CRIM1: variants seen among roughly 807,000 people sequenced by gnomAD.
CRIM1 encodes the protein cysteine-rich motor neuron 1 protein.
CRIM1 carries 32 observed loss-of-function variants against 116.4 expected under a neutral mutation model. The observed-to-expected ratio is 0.27, with a 90% CI of 0.21 to 0.37. CRIM1 has a LOEUF of 0.37. CRIM1 is among the 10% of genes least tolerant of loss of function. The pLI is 1.00. For synonymous variants in CRIM1, 590 were observed against 509.2 expected, an observed-to-expected ratio of 1.16 and a Z score of -2.13; for missense variants, 1,331 against 1,354.8, an observed-to-expected ratio of 0.98 and a Z score of 0.28.
At chr2:36,386,709 T>C (rs879219045) in intron 1 of CRIM1, among the ~76,000 whole-genome samples, 7 of 152,134 alleles carry the variant, frequency 4.6e-5, no homozygotes, top group South Asian at 2.1e-4. Flanking sequence ...CCACTTCGGG[T>C]AAAGGAGATT....
intron 5 of CRIM1, among the ~76,000 whole-genome samples, chr2:36,473,812 G>T (rs1457936767): frequency 6.6e-6 from 1 of 152,224 alleles, no homozygotes; most frequent in East Asian, 1.9e-4. Context: ...CTCTTGGGCT[G>T]CTAGGAACAT....
chr2:36,474,994 A>G (rs913438347), intron 5 of CRIM1, among the ~76,000 whole-genome samples: 2 of 152,200 alleles, frequency 1.3e-5, no homozygotes, highest in African/African-American at 2.4e-5. Flanking sequence ...AGTCTTGATT[A>G]CTATAGCATT....
chr2:36,367,139 A>C (rs1236326961), intron 1 of CRIM1, among the ~76,000 whole-genome samples: 1 of 152,230 alleles, frequency 6.6e-6, no homozygotes, highest in Non-Finnish European at 1.5e-5. Flanking sequence ...TCAAAGTAGA[A>C]GGATTTTTAA....
intron 1 of CRIM1, among the ~76,000 whole-genome samples, chr2:36,362,337 G>A (rs1433194218): frequency 6.6e-6 from 1 of 152,166 alleles, no homozygotes; most frequent in Non-Finnish European, 1.5e-5. Context: ...TTTGAACTAG[G>A]TTTAAAAGTG....
intron 1 of CRIM1, chr2:36,378,302 GT>G (rs1670471132): frequency 2.1e-6 from 1 of 471,078 alleles, no homozygotes; most frequent in South Asian, 1.5e-5. Context: ...TTGTGAGGAA[GT>G]TTTGTTCATG....
chr2:36,491,847 C>T (rs578004858), intron 7 of CRIM1, among the ~76,000 whole-genome samples: 1 of 152,216 alleles, frequency 6.6e-6, no homozygotes, highest in East Asian at 1.9e-4. Context: ...ATTATTTCCA[C>T]TTAAAGCTAC....
At chr2:36,400,491 G>A (rs1183923865) in intron 2 of CRIM1, among the ~76,000 whole-genome samples, 3 of 152,124 alleles carry the variant, frequency 2.0e-5, no homozygotes, top group African/African-American at 7.2e-5. Context: ...CGTGTGGCTG[G>A]TGATAACCTA....
intron 4 of CRIM1, among the ~76,000 whole-genome samples, chr2:36,446,359 A>G (rs530786274): frequency 1.2e-4 from 19 of 152,350 alleles, no homozygotes; most frequent in Non-Finnish European, 2.2e-4. Context: ...CTATTCATCA[A>G]ACATGAATTG....
Position 36,477,003 on chromosome 2 carries a change from C to T in CRIM1, c.1106C>T (p.Ala369Val), listed in dbSNP as rs781034059. ...GGGGGCGTTGCCATCTGCTTCACCG[C>T]CCAGTGTGGTGAGATAAACTGCGAG... The part of the protein sequence containing the change: ...CQGGVAICFT[A>V]QCGEINCERY... Residue 369 changes from alanine (A) to valine (V), a missense_variant, in exon 6 of 17, where the codon GCC becomes GTC. Physicochemically the swap from Ala to Val is moderately conservative, Grantham distance 64. This residue lies in a region of CRIM1 where 690 missense variants were observed against 676.0 expected (regional missense o/e 1.02). Transcript: ENST00000280527. The T allele has an allele frequency of 4.3e-6, 7 of 1,613,510 alleles. No homozygotes were observed. Among genetic ancestry groups the T allele is most frequent in the Middle Eastern group, 1.6e-4 (1 of 6,082 alleles).
intron 4 of CRIM1, among the ~76,000 whole-genome samples, chr2:36,460,830 G>C (rs960596204): frequency 2.6e-5 from 4 of 152,208 alleles, no homozygotes; most frequent in African/African-American, 9.6e-5. Context: ...GAAAGAGGGT[G>C]CTGTAAGAAA....
chr2:36,509,528 C>T (rs1015549758), intron 8 of CRIM1, among the ~76,000 whole-genome samples: 2 of 151,642 alleles, frequency 1.3e-5, no homozygotes, highest in African/African-American at 2.4e-5. Context: ...GATTCTGTCT[C>T]CAACAAAAGA....
intron 7 of CRIM1, among the ~76,000 whole-genome samples, chr2:36,490,758 C>A (rs1680170827): frequency 6.6e-6 from 1 of 152,104 alleles, no homozygotes; most frequent in Admixed American, 6.5e-5. Flanking sequence ...GAGCCCCGAC[C>A]CACTCTCCCA....
At chr2:36,430,952 A>G (rs1488647578) in intron 2 of CRIM1, among the ~76,000 whole-genome samples, 2 of 152,192 alleles carry the variant, frequency 1.3e-5, no homozygotes, top group Non-Finnish European at 2.9e-5. Flanking sequence ...TTACCTATAT[A>G]AGGCTGCTTC....
intron 5 of CRIM1, among the ~76,000 whole-genome samples, chr2:36,476,123 A>T (rs1224566678): frequency 6.6e-6 from 1 of 152,188 alleles, no homozygotes; most frequent in Non-Finnish European, 1.5e-5. Flanking sequence ...AGAAAAATTT[A>T]AAAATCATTG....
chr2:36,367,216 G>C (rs1669658158), intron 1 of CRIM1, among the ~76,000 whole-genome samples: 1 of 152,190 alleles, frequency 6.6e-6, no homozygotes, highest in African/African-American at 2.4e-5. Flanking sequence ...ATTTCAGGCA[G>C]ATTTTAAGAA....
intron 1 of CRIM1, among the ~76,000 whole-genome samples, chr2:36,395,977 A>G (rs1403207799): frequency 6.6e-6 from 1 of 152,196 alleles, no homozygotes; most frequent in Non-Finnish European, 1.5e-5. Context: ...CCAGACCGGA[A>G]TGCAGTGGCG....
intron 13 of CRIM1, among the ~76,000 whole-genome samples, chr2:36,525,447 G>A (rs1474666646): frequency 6.6e-6 from 1 of 152,198 alleles, no homozygotes; most frequent in Non-Finnish European, 1.5e-5. Flanking sequence ...CCCAAAGGCA[G>A]TTGCCAGCTG....
intron 7 of CRIM1, among the ~76,000 whole-genome samples, chr2:36,490,301 G>C (rs1680134533): frequency 6.6e-6 from 1 of 152,142 alleles, no homozygotes; most frequent in African/African-American, 2.4e-5. Flanking sequence ...GCTTGTTTGA[G>C]CATTATTGGA....
chr2:36,507,405 AG>A (rs1681507243), intron 8 of CRIM1, among the ~76,000 whole-genome samples: 1 of 152,240 alleles, frequency 6.6e-6, no homozygotes, highest in Non-Finnish European at 1.5e-5. Flanking sequence ...GTGGAGGAGT[AG>A]GTAACAAGAA....
Sources: gnomAD v4.1 joint callset for allele counts (sites outside exome capture counted in the v4.1 genomes callset) on GRCh38, gnomAD v4.1.1 for gene constraint, gnomAD v4.1.1 regional missense constraint, MANE v1.5 for transcripts, NCBI Gene and HGNC (gene_info 2026-07-23, HGNC 2026-07-21) for gene names.